Variants in TBL1XR1 observed in about 807,000 individuals in gnomAD.
TBL1XR1 encodes TBL1X/Y related 1, also known as F-box-like/WD repeat-containing protein TBL1XR1.
TBL1XR1 carries 5 observed loss-of-function variants against 66.9 expected under a neutral mutation model. The ratio of observed to expected loss-of-function variants is 0.07; its 90% CI spans 0.04 to 0.16. TBL1XR1 has a LOEUF of 0.16. Ranked by LOEUF, TBL1XR1 falls within the 10% of genes least tolerant of loss-of-function variation. The pLI is 1.00. For synonymous variants in TBL1XR1, 210 were observed against 206.0 expected (o/e 1.02, Z -0.17); for missense variants, 238 against 623.2 (o/e 0.38, Z 6.58).
intron 1 of TBL1XR1, among the ~76,000 whole-genome samples, chr3:177,162,105 C>A (rs1179360377): frequency 6.6e-6 from 1 of 152,168 alleles, no homozygotes; most frequent in Non-Finnish European, 1.5e-5. Context: ...ATTTCTAATA[C>A]ACCAAAAAGA....
rs543038375 is a variant in TBL1XR1, at chr3:177,153,009, C to A, written c.-122+44112G>T. Among the ~76,000 whole-genome samples, 5 of 152,182 alleles carry A rather than the reference C, an allele frequency of 3.3e-5. No homozygotes were observed. The South Asian group carries it at 1.0e-3, about 32-fold the overall frequency. On this transcript the variant is annotated intron_variant, in intron 1 of 15. Coordinates refer to ENST00000457928, the MANE Select transcript of TBL1XR1 (RefSeq NM_024665.7). ...TAAAAAAACTAGCTGGGCGTGGTGG[C>A]GTGCACCTGTAATCCCAGCTACTGG...
At chr3:177,133,949 G>A (rs62296578) in intron 1 of TBL1XR1, among the ~76,000 whole-genome samples, 9,709 of 148,594 alleles carry the variant, frequency 0.065, 408 homozygotes, top group South Asian at 0.17. Flanking sequence ...TTAGTCTTCC[G>A]CTTTTGCTTT....
chr3:177,057,979 G>C (rs887326555), intron 3 of TBL1XR1, among the ~76,000 whole-genome samples: 10 of 152,168 alleles, frequency 6.6e-5, no homozygotes, highest in African/African-American at 2.4e-4. Flanking sequence ...GTTTCAGGAA[G>C]TGCTTTCTGT....
At chr3:177,200,847 A>C (rs907550088), upstream of TBL1XR1, among the ~76,000 whole-genome samples, 5 of 151,942 alleles carry the variant, frequency 3.3e-5, no homozygotes, top group African/African-American at 1.2e-4. Flanking sequence ...CTGTACTAAA[A>C]ATACAAAATA....
chr3:177,056,867 C>T (rs991077421), intron 3 of TBL1XR1, among the ~76,000 whole-genome samples: 4 of 152,136 alleles, frequency 2.6e-5, no homozygotes, highest in Non-Finnish European at 5.9e-5. Flanking sequence ...GCCAGATCTG[C>T]GTTTAGTCCC....
At chr3:177,183,398 C>T (rs900552237) in intron 1 of TBL1XR1, among the ~76,000 whole-genome samples, 10 of 152,182 alleles carry the variant, frequency 6.6e-5, no homozygotes, top group African/African-American at 1.9e-4. Flanking sequence ...TAGTGAGAAT[C>T]CATGTTAACG....
chr3:177,033,933 T>G (rs368897028), intron 13 of TBL1XR1, among the ~76,000 whole-genome samples: 109 of 151,122 alleles, frequency 7.2e-4, no homozygotes, highest in African/African-American at 2.5e-3. Context: ...GAGGTGGGAG[T>G]GGGGAGAAGG....
chr3:177,070,552 C>T (rs1300224334), intron 2 of TBL1XR1, among the ~76,000 whole-genome samples: 1 of 152,010 alleles, frequency 6.6e-6, no homozygotes. Flanking sequence ...AAGTCAGACA[C>T]GAAAAATAAA....
chr3:177,059,901 G>T (rs1022395737), intron 3 of TBL1XR1, among the ~76,000 whole-genome samples: 9 of 152,200 alleles, frequency 5.9e-5, no homozygotes, highest in African/African-American at 2.2e-4. Context: ...GAAAAGACTA[G>T]ATTTGCTGAG....
In TBL1XR1 at chr3:177,071,107, T is replaced by A. The variant is rs1240623388; in HGVS notation, c.-45-6085A>T. Among the ~76,000 whole-genome samples the A allele has an allele frequency of 4.1e-5, 6 of 146,994 alleles. No individual in the cohort carries two copies. The South Asian group carries it at 6.5e-4, about 16-fold the overall frequency. On this transcript the variant is annotated intron_variant, in intron 2 of 15. Coordinates refer to ENST00000457928, the MANE Select transcript of TBL1XR1 (RefSeq NM_024665.7). ...GTGTGGTGGTGCGATCTCGGCTCAC[T>A]GCAAGCTCCGCCTCCCAGGTTCACG... is the stretch of plus-strand genomic sequence containing the variant.
At chr3:177,085,402 A>T (rs1012199344) in intron 2 of TBL1XR1, among the ~76,000 whole-genome samples, 1 of 152,210 alleles carries the variant, frequency 6.6e-6, no homozygotes, top group Non-Finnish European at 1.5e-5. Context: ...TATCAATGTT[A>T]ATTGCTTGCT....
In TBL1XR1 at chr3:177,051,734, TG is replaced by T; in HGVS notation, c.205-9del. 1 of 1,529,132 alleles carries T rather than the reference TG, an allele frequency of 6.5e-7. No homozygotes were observed. The highest frequency in any genetic ancestry group is 1.2e-5 in the South Asian group (1 of 80,032). The allele number at this position is 1,529,132 out of a possible 1,614,324, so 94.7% of individuals were successfully genotyped here. A position where few individuals can be genotyped will look rare whatever the true frequency, so the allele number is the denominator to read the frequency against. The stretch of plus-strand genomic sequence containing the variant: ...ATCAAACAAGGTACCATCCTGGATT[TG>T]GAAAATTGTGAGAGAAGAAAAATCA... On this transcript the variant is annotated splice_polypyrimidine_tract_variant and intron_variant, in intron 4 of 15. Transcript: ENST00000457928.
At chr3:177,072,692 TG>T (rs1429102527) in intron 2 of TBL1XR1, among the ~76,000 whole-genome samples, 1 of 152,220 alleles carries the variant, frequency 6.6e-6, no homozygotes, top group Non-Finnish European at 1.5e-5. Flanking sequence ...ACTTTTTTCA[TG>T]GAACAGCGTT....
Position 177,033,022 on chromosome 3 carries a change from C to T in TBL1XR1, c.1365G>A (p.Arg455=), listed in dbSNP as rs1407933921. The part of the protein sequence containing the change: ...VYSVAFSPDG[R]YLASGSFDKC... Reference sequence around the variant, plus strand: ...TGTCAAAAGAACCACTTGCCAGATACCTGCCATCAGGACTGAAAGCTACAC... The same window carrying T: ...TGTCAAAAGAACCACTTGCCAGATATCTGCCATCAGGACTGAAAGCTACAC... Residue 455 remains arginine, a synonymous_variant, in exon 14 of 16, where the codon AGG becomes AGA. Coordinates refer to ENST00000457928, the MANE Select transcript of TBL1XR1 (RefSeq NM_024665.7). 4 of 1,607,200 alleles carry T rather than the reference C, an allele frequency of 2.5e-6. No individual in the cohort carries two copies. The African/African-American group carries it at 5.4e-5, about 22-fold the overall frequency.
intron 1 of TBL1XR1, among the ~76,000 whole-genome samples, chr3:177,145,603 A>C (rs1429760205): frequency 6.6e-6 from 1 of 152,240 alleles, no homozygotes; most frequent in African/African-American, 2.4e-5. Flanking sequence ...CCCCTTACTA[A>C]GGTAACCATG....
intron 1 of TBL1XR1, among the ~76,000 whole-genome samples, chr3:177,192,408 A>AAAAG (rs1453462085): frequency 6.6e-6 from 1 of 151,804 alleles, no homozygotes; most frequent in Admixed American, 6.6e-5. Context: ...CAAAAAAAAA[A>AAAAG]AAAAAAGAAA....
chr3:177,026,379 A>G lies in TBL1XR1; in HGVS notation c.1512T>C (p.Asp504=), dbSNP rs1425918929. 2.5e-6 allele frequency: 4 copies of G among 1,612,304 alleles called. No homozygotes were observed. The highest frequency in any genetic ancestry group is 3.4e-6 in the Non-Finnish European group (4 of 1,179,278). The change falls in exon 15 of 16, where the codon GAT becomes GAC. Residue 504 remains aspartate (D), a synonymous_variant. Transcript: ENST00000457928. ...AACACTTTACTATACTTACTGAACC[A>G]TCTGATGCACTGGCTCCAACTTTGT... ...AGDKVGASAS[D]GSVCVLDLRK
intron 1 of TBL1XR1, among the ~76,000 whole-genome samples, chr3:177,154,454 T>C (rs1326619292): frequency 1.3e-5 from 2 of 152,094 alleles, no homozygotes; most frequent in African/African-American, 2.4e-5. Context: ...TGGAGTACAA[T>C]GGTACAATCT....
chr3:177,037,448 G>C (rs1714954563), intron 12 of TBL1XR1: 1 of 152,252 alleles, frequency 6.6e-6, no homozygotes, highest in Non-Finnish European at 1.5e-5. Context: ...GTTCCCAGTT[G>C]AGACAGGCAT....
Sources: gnomAD v4.1 joint callset for allele counts (sites outside exome capture counted in the v4.1 genomes callset) on GRCh38, gnomAD v4.1.1 for gene constraint, MANE v1.5 for transcripts, NCBI Gene and HGNC (gene_info 2026-07-23, HGNC 2026-07-21) for gene names.